The following COL11A1 variants were observed in gnomAD, a reference collection of about 807,000 sequenced individuals.
COL11A1 encodes collagen alpha-1(XI) chain.
Under a neutral mutation model 265.2 loss-of-function variants are expected in COL11A1, and 74 were observed. The observed-to-expected ratio is 0.28, with a 90% CI of 0.23 to 0.34. COL11A1 has a LOEUF of 0.34. Ranked by LOEUF, COL11A1 falls within the 10% of genes least tolerant of loss-of-function variation. The pLI is 1.00. For missense variants in COL11A1, 2,165 were observed against 2,263.6 expected (o/e 0.96, Z 0.88); for synonymous variants, 816 against 727.6 (o/e 1.12, Z -1.96).
At chr1:103,047,133 A>T (rs906200659) in intron 4 of COL11A1, among the ~76,000 whole-genome samples, 20 of 152,212 alleles carry the variant, frequency 1.3e-4, no homozygotes, top group Non-Finnish European at 1.5e-4. Context: ...TTTTCTTCCA[A>T]TTCTGTGTAG....
At position 103,002,743 on chromosome 1, in the gene COL11A1, A is replaced by G. The variant is rs764236870; in HGVS notation, c.2043+4T>C. 5 of 1,611,662 alleles carry G rather than the reference A, an allele frequency of 3.1e-6. No individual in the cohort carries two copies. The highest frequency in any genetic ancestry group is 3.4e-6 in the Non-Finnish European group (4 of 1,177,928). ...GAGTTATTTTATCACTATTTGCTAC[A>G]TACCATGTTCCCTTTTGGTCCTGGG... On this transcript the variant is annotated splice_donor_region_variant and intron_variant, in intron 22 of 66. Transcript: ENST00000370096.
rs532457581 is a variant in COL11A1 at position 103,101,157 on chromosome 1, AG to A, written c.106+6915del. On this transcript the variant is annotated intron_variant, in intron 1 of 66. Transcript: ENST00000370096. Reference sequence around the variant, plus strand: ...CAGGCAAGAGGTTTAACATCACTAAAGTGCAAGGTAAATGGAAATGGGCTTG... The same window carrying A: ...CAGGCAAGAGGTTTAACATCACTAAATGCAAGGTAAATGGAAATGGGCTTG... Among the ~76,000 whole-genome samples the A allele has an allele frequency of 1.4e-3, 220 of 152,052 alleles. 1 individual carries two copies. The highest frequency in any genetic ancestry group is 5.1e-3 in the African/African-American group (211 of 41,520).
Position 102,877,865 on chromosome 1 carries a change from G to A in COL11A1, c.*154C>T, listed in dbSNP as rs11164626. ...TTCAAAGCTTTTGCCATGTGATTCT[G>A]CCCCCACAAAGGCATCGGTATTTCC... is the stretch of plus-strand genomic sequence containing the variant. On this transcript the variant is annotated 3_prime_UTR_variant, in exon 67 of 67. Transcript: ENST00000370096. The A allele has an allele frequency of 2.5e-5, 17 of 688,704 alleles. No homozygotes were observed. The highest frequency in any genetic ancestry group is 2.0e-4 in the South Asian group (11 of 56,112). 42.7% of individuals were successfully genotyped at this position (688,704 alleles called of 1,614,324 possible).
At chr1:103,014,726 T>C in intron 12 of COL11A1, 132 bp from the exon 13 acceptor site, 3 of 743,898 alleles carry the variant, frequency 4.0e-6, no homozygotes, top group Admixed American at 4.0e-5. Context: ...AACTCCGTAA[T>C]GAATCATGAG....
At position 103,009,383 on chromosome 1, in the gene COL11A1, C is replaced by T. The variant is rs75253565; in HGVS notation, c.1630-867G>A. Among the ~76,000 whole-genome samples the T allele has an allele frequency of 6.0e-3, 920 of 152,206 alleles. 19 individuals are homozygous for T. The highest frequency in any genetic ancestry group is 0.022 in the African/African-American group (894 of 41,542). ...GAGCCAAGATAGCACCACTGCATTC[C>T]AGCCTAGGTGCCAAGAGCAAAACTC... On this transcript the variant is annotated intron_variant, in intron 14 of 66. Transcript: ENST00000370096.
At chr1:102,935,170 T>C (rs1329650605) in intron 44 of COL11A1, 57 bp from the exon 45 acceptor site, 28 of 1,424,662 alleles carry the variant, frequency 2.0e-5, no homozygotes, top group Non-Finnish European at 3.9e-6. Context: ...GCCTCAGCCA[T>C]ATGAAACAGA....
At chr1:102,898,906 T>C in intron 55 of COL11A1, 35 bp downstream of exon 55, 3 of 1,063,246 alleles carry the variant, frequency 2.8e-6, no homozygotes, top group Non-Finnish European at 3.8e-6. Context: ...ATATAATATA[T>C]AATATATATT....
At chr1:102,896,323 T>A (rs1652424687) in intron 57 of COL11A1, among the ~76,000 whole-genome samples, 1 of 149,508 alleles carries the variant, frequency 6.7e-6, no homozygotes, top group South Asian at 2.2e-4. Flanking sequence ...CTAGTAACCA[T>A]AATAAGTTAC....
chr1:102,962,091 A>G lies in COL11A1; in HGVS notation c.3114+85T>C, dbSNP rs1378933309. On this transcript the variant is annotated intron_variant, in intron 40 of 66. Transcript: ENST00000370096. Reference sequence around the variant, plus strand: ...ATATATGTTTATATATCTTCCCTTAATCATCACTTCTTAAGTTCTGAGAAA... The same window carrying G: ...ATATATGTTTATATATCTTCCCTTAGTCATCACTTCTTAAGTTCTGAGAAA... The G allele has an allele frequency of 4.2e-6, 5 of 1,187,404 alleles. No homozygotes were observed. In the Admixed American group the frequency reaches 8.7e-5, roughly 21 times the overall value. 73.6% of individuals were successfully genotyped at this position (1,187,404 alleles called of 1,614,324 possible).
At chr1:102,955,581 C>T (rs1041924518) in intron 41 of COL11A1, among the ~76,000 whole-genome samples, 9 of 152,084 alleles carry the variant, frequency 5.9e-5, no homozygotes, top group East Asian at 3.9e-4. Context: ...GTTTTAATCT[C>T]ATTTTTAGAT....
chr1:102,994,109 A>G (rs1664395602), intron 28 of COL11A1, among the ~76,000 whole-genome samples: 1 of 152,190 alleles, frequency 6.6e-6, no homozygotes, highest in South Asian at 2.1e-4. Context: ...TAATAAATCC[A>G]TCCCTTTTTG....
intron 4 of COL11A1, among the ~76,000 whole-genome samples, chr1:103,065,103 T>C (rs1379831876): frequency 2.0e-5 from 3 of 152,146 alleles, no homozygotes; most frequent in Non-Finnish European, 2.9e-5. Flanking sequence ...TACTCTCATA[T>C]GGGATATTGA....
At chr1:102,940,979 C>G (rs1271441421) in intron 42 of COL11A1, among the ~76,000 whole-genome samples, 2 of 152,102 alleles carry the variant, frequency 1.3e-5, no homozygotes, top group Non-Finnish European at 2.9e-5. Flanking sequence ...ATAATGAACT[C>G]AACTTCTGTT....
chr1:102,942,432 T>C (rs1658813441), intron 42 of COL11A1, among the ~76,000 whole-genome samples: 1 of 152,182 alleles, frequency 6.6e-6, no homozygotes, highest in Non-Finnish European at 1.5e-5. Context: ...ATATTAGCCA[T>C]TTATAATTCC....
chr1:103,095,557 C>A (rs542889623), intron 1 of COL11A1, among the ~76,000 whole-genome samples: 1 of 152,076 alleles, frequency 6.6e-6, no homozygotes, highest in African/African-American at 2.4e-5. Context: ...GTGCAAAGAA[C>A]CCGAGACAAT....
At chr1:103,023,523 A>G (rs1667271150) in intron 7 of COL11A1, among the ~76,000 whole-genome samples, 1 of 151,884 alleles carries the variant, frequency 6.6e-6, no homozygotes, top group South Asian at 2.1e-4. Context: ...ATGCCTGGGT[A>G]ATTTTGTATA....
intron 46 of COL11A1, among the ~76,000 whole-genome samples, chr1:102,930,020 A>T (rs1657193932): frequency 6.6e-6 from 1 of 152,140 alleles, no homozygotes; most frequent in Non-Finnish European, 1.5e-5. Context: ...CTAGATATAC[A>T]ATCATGTCAT....
At chr1:103,088,428 A>C (rs1673044369) in intron 1 of COL11A1, among the ~76,000 whole-genome samples, 1 of 152,000 alleles carries the variant, frequency 6.6e-6, no homozygotes, top group South Asian at 2.1e-4. Context: ...GTGGGTATAG[A>C]CCTCCCATAG....
chr1:102,995,828 A>G (rs759587099), intron 28 of COL11A1, 36 bp downstream of exon 28: 3 of 1,526,548 alleles, frequency 2.0e-6, no homozygotes, highest in Non-Finnish European at 2.7e-6. Context: ...AACATAATAC[A>G]CAGAAATTAA....
Sources: gnomAD v4.1 joint callset for allele counts (sites outside exome capture counted in the v4.1 genomes callset) on GRCh38, gnomAD v4.1.1 for gene constraint, MANE v1.5 for transcripts, NCBI Gene and HGNC (gene_info 2026-07-23, HGNC 2026-07-21) for gene names.